PLCB1: variants seen among roughly 807,000 people sequenced by gnomAD.
PLCB1 encodes the protein 1-phosphatidylinositol 4,5-bisphosphate phosphodiesterase beta-1.
Under a neutral mutation model 161.8 loss-of-function variants are expected in PLCB1, and 46 were observed. That is an observed-to-expected ratio of 0.28 (90% CI 0.22 to 0.36). The LOEUF is 0.36. PLCB1 is among the 10% of genes least tolerant of loss of function. The pLI is 1.00. For missense variants in PLCB1, 1,016 were observed against 1,472.5 expected, an observed-to-expected ratio of 0.69 and a Z score of 5.07; for synonymous variants, 517 against 503.7, an observed-to-expected ratio of 1.03 and a Z score of -0.35.
intron 3 of PLCB1, among the ~76,000 whole-genome samples, chr20:8,427,942 C>T (rs1160580103): frequency 2.0e-5 from 3 of 152,122 alleles, no homozygotes; most frequent in African/African-American, 7.2e-5. Context: ...TAGAACAATA[C>T]ACAAACATCT....
intron 3 of PLCB1, among the ~76,000 whole-genome samples, chr20:8,520,375 A>G (rs1176428805): frequency 6.6e-6 from 1 of 152,198 alleles, no homozygotes; most frequent in Non-Finnish European, 1.5e-5. Flanking sequence ...TGGATATATC[A>G]TAGAAATCTA....
intron 2 of PLCB1, among the ~76,000 whole-genome samples, chr20:8,169,588 C>G (rs2051711562): frequency 6.6e-6 from 1 of 151,836 alleles, no homozygotes; most frequent in Non-Finnish European, 1.5e-5. Flanking sequence ...CTTTTTGCAC[C>G]CAATTGGTTG....
At chr20:8,210,472 C>A (rs1467860996) in intron 2 of PLCB1, among the ~76,000 whole-genome samples, 3 of 152,088 alleles carry the variant, frequency 2.0e-5, no homozygotes, top group African/African-American at 4.8e-5. Flanking sequence ...TTGGAAACAA[C>A]CTGACTTGTA....
At chr20:8,579,062 G>A (rs139334871) in intron 3 of PLCB1, among the ~76,000 whole-genome samples, 3 of 152,076 alleles carry the variant, frequency 2.0e-5, no homozygotes, top group African/African-American at 4.8e-5. Context: ...TATTTACTTC[G>A]CCAGAAGACT....
chr20:8,286,084 G>T lies in PLCB1; in HGVS notation c.178-85298G>T, dbSNP rs564473218. Among the ~76,000 whole-genome samples the T allele has an allele frequency of 8.7e-4, 132 of 152,278 alleles. 1 individual carries two copies. Among genetic ancestry groups the T allele is most frequent in the Admixed American group, 3.4e-3 (52 of 15,296 alleles). Reference sequence around the variant, plus strand: ...TCATGCCTGTGATCCCAGCACTTTGGGAGGCCAAGGCAGGCAGATCACCTG... The same window carrying T: ...TCATGCCTGTGATCCCAGCACTTTGTGAGGCCAAGGCAGGCAGATCACCTG... On this transcript the variant is annotated intron_variant, in intron 2 of 31. Coordinates refer to ENST00000338037, the MANE Select transcript of PLCB1 (RefSeq NM_015192.4).
rs115626696 is a variant in PLCB1 at position 8,472,001 on chromosome 20, A to C, written c.246+100551A>C. ...TCCTTTCCAGAATTACAAAAAAAAT[A>C]GTCTTTGGCAGTTCACATTGCTTCA... On this transcript the variant is annotated intron_variant, in intron 3 of 31. Coordinates refer to ENST00000338037, the MANE Select transcript of PLCB1 (RefSeq NM_015192.4). 9.6e-3 allele frequency among the ~76,000 whole-genome samples: 1,460 copies of C among 152,306 alleles called. 25 individuals carry two copies. The highest frequency in any genetic ancestry group is 0.033 in the African/African-American group (1,356 of 41,554).
intron 3 of PLCB1, among the ~76,000 whole-genome samples, chr20:8,486,694 A>G (rs1982745346): frequency 6.6e-6 from 1 of 150,434 alleles, no homozygotes; most frequent in African/African-American, 2.5e-5. Flanking sequence ...ACGGGGTTTC[A>G]CCTTGTTAGC....
intron 7 of PLCB1, among the ~76,000 whole-genome samples, chr20:8,650,944 T>C (rs147781738): frequency 1.3e-5 from 2 of 152,292 alleles, no homozygotes; most frequent in East Asian, 3.9e-4. Flanking sequence ...CATGCTTTCA[T>C]TTTTATGCCT....
chr20:8,881,567 G>C, intron 31 of PLCB1, 55 bp from the exon 32 acceptor site: 1 of 1,255,144 alleles, frequency 8.0e-7, no homozygotes, highest in Non-Finnish European at 1.2e-6. Context: ...TTCTATGGGA[G>C]TGGGTATAGA....
intron 25 of PLCB1, among the ~76,000 whole-genome samples, chr20:8,763,919 C>A (rs1982175424): frequency 6.6e-6 from 1 of 151,536 alleles, no homozygotes; most frequent in Non-Finnish European, 1.5e-5. Context: ...AATCCCAGCA[C>A]TTTGGGAAGC....
At chr20:8,795,023 T>C (rs6056126) in intron 31 of PLCB1, among the ~76,000 whole-genome samples, 135,683 of 152,178 alleles carry the variant, frequency 0.89, 61,472 homozygotes, top group East Asian at 1. Flanking sequence ...CATCCTGCAA[T>C]AGCAGTCATA....
intron 4 of PLCB1, among the ~76,000 whole-genome samples, chr20:8,638,598 A>C (rs1215202726): frequency 6.6e-6 from 1 of 152,208 alleles, no homozygotes; most frequent in Non-Finnish European, 1.5e-5. Flanking sequence ...GAAATGCTGA[A>C]AATAGTTGTC....
chr20:8,315,102 A>C (rs1984579544), intron 2 of PLCB1, among the ~76,000 whole-genome samples: 1 of 152,176 alleles, frequency 6.6e-6, no homozygotes, highest in Non-Finnish European at 1.5e-5. Flanking sequence ...AGCTAGAGCC[A>C]GACCTTAGGA....
chr20:8,379,355 T>C (rs1296686678), intron 3 of PLCB1, among the ~76,000 whole-genome samples: 2 of 152,216 alleles, frequency 1.3e-5, no homozygotes, highest in Non-Finnish European at 2.9e-5. Flanking sequence ...CTATCATTGA[T>C]GGGTGTTTGG....
chr20:8,435,387 G>A (rs957941811), intron 3 of PLCB1, among the ~76,000 whole-genome samples: 2 of 152,150 alleles, frequency 1.3e-5, no homozygotes, highest in Non-Finnish European at 2.9e-5. Flanking sequence ...TAATTAAAGT[G>A]TCATGTCAGT....
At chr20:8,770,297 G>A (rs1982608909) in intron 26 of PLCB1, among the ~76,000 whole-genome samples, 1 of 152,138 alleles carries the variant, frequency 6.6e-6, no homozygotes, top group Admixed American at 6.5e-5. Context: ...AGGCCATCTA[G>A]GTGATATTTG....
intron 3 of PLCB1, among the ~76,000 whole-genome samples, chr20:8,498,924 C>CA (rs1983290769): frequency 1.3e-5 from 2 of 152,144 alleles, no homozygotes; most frequent in South Asian, 4.1e-4. Flanking sequence ...CCAAGTACAG[C>CA]ACGGGTCATT....
chr20:8,512,832 T>A (rs1398253765), intron 3 of PLCB1, among the ~76,000 whole-genome samples: 1 of 152,166 alleles, frequency 6.6e-6, no homozygotes, highest in Admixed American at 6.5e-5. Flanking sequence ...TCTTAGCAAT[T>A]TTGAACTATA....
intron 2 of PLCB1, among the ~76,000 whole-genome samples, chr20:8,197,422 G>A (rs1481719832): frequency 6.6e-6 from 1 of 152,128 alleles, no homozygotes; most frequent in Non-Finnish European, 1.5e-5. Flanking sequence ...GTGATGATGA[G>A]CATTTTTTCA....
Sources: gnomAD v4.1 joint callset for allele counts (sites outside exome capture counted in the v4.1 genomes callset) on GRCh38, gnomAD v4.1.1 for gene constraint, MANE v1.5 for transcripts, NCBI Gene and HGNC (gene_info 2026-07-23, HGNC 2026-07-21) for gene names.